Variants in ITPK1 observed in about 807,000 individuals in gnomAD.
ITPK1 encodes inositol-tetrakisphosphate 1-kinase.
Under a neutral mutation model 45.3 loss-of-function variants are expected in ITPK1, and 21 were observed. The ratio of observed to expected loss-of-function variants is 0.46; its 90% CI spans 0.33 to 0.67. ITPK1 has a LOEUF of 0.67. Among genes scored for constraint, ITPK1 ranks in the 30% least tolerant of loss-of-function variants. ITPK1 has a pLI of 0.02. For missense variants in ITPK1, 474 were observed against 573.5 expected (o/e 0.83, Z 1.77); for synonymous variants, 258 against 253.6 (o/e 1.02, Z -0.16).
chr14:93,033,424 A>G (rs1212657553), intron 3 of ITPK1, among the ~76,000 whole-genome samples: 2 of 152,126 alleles, frequency 1.3e-5, no homozygotes, highest in Non-Finnish European at 2.9e-5. Flanking sequence ...ACAACAGCCA[A>G]TGCCCCCCAA....
rs749743512 is a variant in ITPK1, at chr14:93,115,246, TG to T, written c.-84del. ...GCGGCCGGCGCGCGCCGCGAGCGAG[TG>T]GGCACCTCCTCCCGGCGGCGGGGAC... is the stretch of plus-strand genomic sequence containing the variant. On this transcript the variant is annotated 5_prime_UTR_variant, in exon 2 of 11. Coordinates refer to ENST00000267615, the MANE Select transcript of ITPK1 (RefSeq NM_014216.6). The T allele has an allele frequency of 8.0e-5, 71 of 890,290 alleles. No individual in the cohort carries two copies. The Middle Eastern group carries it at 1.3e-3, about 16-fold the overall frequency. 55.1% of individuals were successfully genotyped at this position (890,290 alleles called of 1,614,324 possible). A position where few individuals can be genotyped will look rare whatever the true frequency, so the allele number is the denominator to read the frequency against.
In ITPK1 at chr14:92,938,984, C is replaced by CT; in HGVS notation, c.*2576_*2577insA. The stretch of plus-strand genomic sequence containing the variant: ...GGAGCCCTTCAGCACATCCAGGGAC[C>CT]ACCATCAAGACAGGCACTGCAGGGC... On this transcript the variant is annotated 3_prime_UTR_variant, in exon 11 of 11. Coordinates refer to ENST00000267615, the MANE Select transcript of ITPK1 (RefSeq NM_014216.6). The CT allele has an allele frequency of 5.5e-6, 1 of 182,622 alleles. No homozygotes were observed. Among genetic ancestry groups the CT allele is most frequent in the South Asian group, 1.3e-4 (1 of 7,754 alleles). The allele number at this position is 182,622 out of a possible 1,614,324, so 11.3% of individuals were successfully genotyped here.
chr14:93,102,190 G>A (rs1892346081), intron 2 of ITPK1, among the ~76,000 whole-genome samples: 2 of 152,240 alleles, frequency 1.3e-5, no homozygotes, highest in Admixed American at 6.5e-5. Context: ...TCAGAAGCTG[G>A]GGCCTGGACT....
At chr14:93,088,330 G>T (rs1365945694) in intron 2 of ITPK1, among the ~76,000 whole-genome samples, 3 of 132,844 alleles carry the variant, frequency 2.3e-5, no homozygotes, top group Non-Finnish European at 4.6e-5. Flanking sequence ...TTTCTTTTTT[G>T]GTTTTGTTTT....
chr14:93,088,827 A>G (rs1202052161), intron 2 of ITPK1, among the ~76,000 whole-genome samples: 1 of 152,126 alleles, frequency 6.6e-6, no homozygotes, highest in African/African-American at 2.4e-5. Context: ...GGAAATTCAG[A>G]GCAGTTCAGT....
At position 92,941,732 on chromosome 14, in the gene ITPK1, G is replaced by T. The variant is rs567443586; in HGVS notation, c.1074C>A (p.Ser358Arg). 2.4e-4 allele frequency: 389 copies of T among 1,591,792 alleles called. 3 individuals are homozygous for T. The South Asian group carries it at 2.5e-3, about 10-fold the overall frequency. Reference sequence around the variant, plus strand: ...CCATCATGCTGCCGCAGCAGCCGGGGCTGGCGCTGCATGTCCGCTCGCCCA... The same window carrying T: ...CCATCATGCTGCCGCAGCAGCCGGGTCTGGCGCTGCATGTCCGCTCGCCCA... ...GLVGERTCSA[S>R]PGCCGSMMGQ... is the part of the protein sequence containing the mutation. The change falls in exon 11 of 11, where the codon AGC becomes AGA. Residue 358 changes from serine (S) to arginine (R), a missense_variant. Around this residue, in one of 2 missense-constraint regions of ITPK1, gnomAD observed 107 missense variants for 92.9 expected, o/e 1.15. Coordinates refer to ENST00000267615, the MANE Select transcript of ITPK1 (RefSeq NM_014216.6).
intron 2 of ITPK1, among the ~76,000 whole-genome samples, chr14:93,110,038 T>G (rs1049094970): frequency 3.3e-5 from 5 of 152,116 alleles, no homozygotes; most frequent in African/African-American, 1.2e-4. Flanking sequence ...CTCGCAACCC[T>G]AAGCTAAATT....
chr14:93,062,045 C>A (rs1890547044), intron 3 of ITPK1, among the ~76,000 whole-genome samples: 1 of 152,170 alleles, frequency 6.6e-6, no homozygotes, highest in Non-Finnish European at 1.5e-5. Context: ...CCGAGGCGGG[C>A]AGATCACTTG....
chr14:92,965,571 T>A (rs1208252724), intron 5 of ITPK1, among the ~76,000 whole-genome samples: 3 of 152,168 alleles, frequency 2.0e-5, no homozygotes, highest in Admixed American at 2.0e-4. Flanking sequence ...GATAATAGGA[T>A]CTTATACATA....
At chr14:92,960,669 T>C (rs1885024058) in intron 7 of ITPK1, among the ~76,000 whole-genome samples, 2 of 152,172 alleles carry the variant, frequency 1.3e-5, no homozygotes, top group South Asian at 4.1e-4. Flanking sequence ...ATAACTACGC[T>C]CGTGCTTCCA....
intron 5 of ITPK1, among the ~76,000 whole-genome samples, chr14:92,988,007 C>T (rs1467911394): frequency 1.3e-5 from 2 of 152,232 alleles, no homozygotes; most frequent in Non-Finnish European, 2.9e-5. Flanking sequence ...GCCACAAGCA[C>T]AATCCTGCTC....
At chr14:93,033,195 G>A (rs1311769194) in intron 3 of ITPK1, among the ~76,000 whole-genome samples, 8 of 152,212 alleles carry the variant, frequency 5.3e-5, no homozygotes, top group Non-Finnish European at 8.8e-5. Context: ...GAGTAGGACC[G>A]AAGGTCATCT....
chr14:93,038,415 T>C (rs1889410652), intron 3 of ITPK1, among the ~76,000 whole-genome samples: 1 of 152,260 alleles, frequency 6.6e-6, no homozygotes, highest in Admixed American at 6.5e-5. Context: ...TACCTTTTAA[T>C]GTTTGGTTGT....
At chr14:93,074,213 G>A (rs1280072404) in intron 3 of ITPK1, among the ~76,000 whole-genome samples, 1 of 152,198 alleles carries the variant, frequency 6.6e-6, no homozygotes, top group East Asian at 1.9e-4. Flanking sequence ...AAAGTGTCCA[G>A]TTTGGCTTCG....
At chr14:93,082,709 G>A (rs1034795200) in intron 2 of ITPK1, among the ~76,000 whole-genome samples, 2 of 152,242 alleles carry the variant, frequency 1.3e-5, no homozygotes, top group African/African-American at 2.4e-5. Context: ...GCAGCAGCAT[G>A]GGAGCAGGAC....
intron 9 of ITPK1, among the ~76,000 whole-genome samples, chr14:92,948,573 A>T (rs1887792272): frequency 6.6e-6 from 1 of 152,056 alleles, no homozygotes; most frequent in South Asian, 2.1e-4. Flanking sequence ...CCTGGCCTCA[A>T]GTAATCCTCC....
At chr14:93,053,372 C>T (rs113535198) in intron 3 of ITPK1, among the ~76,000 whole-genome samples, 1 of 152,164 alleles carries the variant, frequency 6.6e-6, no homozygotes, top group Non-Finnish European at 1.5e-5. Context: ...TGGTTCCCCA[C>T]CCGCCCCTCT....
intron 3 of ITPK1, among the ~76,000 whole-genome samples, chr14:93,026,244 A>G (rs1888722959): frequency 6.6e-6 from 1 of 152,256 alleles, no homozygotes; most frequent in African/African-American, 2.4e-5. Context: ...AGCTTATATC[A>G]CAAATGACTA....
chr14:93,054,144 C>T (rs1208011889), intron 3 of ITPK1, among the ~76,000 whole-genome samples: 10 of 152,232 alleles, frequency 6.6e-5, no homozygotes, highest in African/African-American at 2.4e-4. Context: ...ATTCACCCCA[C>T]TTAGAGGTAG....
Sources: gnomAD v4.1 joint callset for allele counts (sites outside exome capture counted in the v4.1 genomes callset) on GRCh38, gnomAD v4.1.1 for gene constraint, gnomAD v4.1.1 regional missense constraint, MANE v1.5 for transcripts, NCBI Gene and HGNC (gene_info 2026-07-23, HGNC 2026-07-21) for gene names.